The following TIAM2 variants were observed in gnomAD, a reference collection of about 807,000 sequenced individuals.
TIAM2 encodes TIAM Rac1 associated GEF 2, also known as rho guanine nucleotide exchange factor TIAM2.
In TIAM2, 80 loss-of-function variants were observed where a neutral mutation model predicts 152.9. That is an observed-to-expected ratio of 0.52 (90% CI 0.44 to 0.63). The LOEUF (loss-of-function observed/expected upper bound fraction) is 0.63. Ranked by LOEUF, TIAM2 falls within the 30% of genes least tolerant of loss-of-function variation. The pLI is 0.00. For synonymous variants in TIAM2, 804 were observed against 838.0 expected (o/e 0.96, Z 0.70); for missense variants, 1,965 against 2,120.1 (o/e 0.93, Z 1.44).
At chr6:155,005,299 C>A in intron 1 of TIAM2, 1 of 214,458 alleles carries the variant, frequency 4.7e-6, no homozygotes, top group South Asian at 8.9e-5. Context: ...GGCCAGGAAT[C>A]TTGGAGAGAC....
At chr6:155,095,307 G>A (rs1583187102) in intron 2 of TIAM2, among the ~76,000 whole-genome samples, 1 of 152,162 alleles carries the variant, frequency 6.6e-6, no homozygotes, top group African/African-American at 2.4e-5. Flanking sequence ...TGTTTAGTAC[G>A]AACAGAATCT....
intron 1 of TIAM2, among the ~76,000 whole-genome samples, chr6:155,007,453 C>A (rs1010610270): frequency 6.6e-6 from 1 of 150,928 alleles, no homozygotes; most frequent in Admixed American, 6.6e-5. Flanking sequence ...GGCACAATCT[C>A]GGCTCACTGC....
At position 155,223,450 on chromosome 6, in the gene TIAM2, T is replaced by A. The variant is rs183186027; in HGVS notation, c.3168+12143T>A. On this transcript the variant is annotated intron_variant, in intron 15 of 26. Transcript: ENST00000682666. ...CGTTAAATAAATAACAACCCCTAGA[T>A]GGCAAATAAATTATTAGGTTGAGAC... Among the ~76,000 whole-genome samples, 11 of 152,010 alleles carry A rather than the reference T, an allele frequency of 7.2e-5. No individual in the cohort carries two copies. In the East Asian group the frequency reaches 2.1e-3, roughly 29 times the overall value.
chr6:155,195,785 C>A (rs922764003), intron 14 of TIAM2, among the ~76,000 whole-genome samples: 1 of 152,132 alleles, frequency 6.6e-6, no homozygotes, highest in African/African-American at 2.4e-5. Context: ...AGGGATGGGG[C>A]CACGTGGCCG....
intron 4 of TIAM2, among the ~76,000 whole-genome samples, chr6:155,132,401 C>G (rs1297594564): frequency 1.3e-5 from 2 of 151,822 alleles, no homozygotes; most frequent in East Asian, 1.9e-4. Context: ...CCACCACCCC[C>G]TCCTGTGCTG....
intron 7 of TIAM2, among the ~76,000 whole-genome samples, chr6:155,154,335 G>A (rs1780052982): frequency 1.3e-5 from 2 of 152,148 alleles, no homozygotes; most frequent in South Asian, 2.1e-4. Context: ...AAGTACGTGG[G>A]TGGAGAAGAT....
At chr6:155,014,704 A>G (rs1778544941) in intron 1 of TIAM2, among the ~76,000 whole-genome samples, 1 of 152,116 alleles carries the variant, frequency 6.6e-6, no homozygotes, top group African/African-American at 2.4e-5. Flanking sequence ...TCATTTACTT[A>G]TTTAATTTTT....
At chr6:155,095,712 A>G (rs1271152034) in intron 2 of TIAM2, among the ~76,000 whole-genome samples, 2 of 152,212 alleles carry the variant, frequency 1.3e-5, no homozygotes, top group Admixed American at 6.5e-5. Context: ...CTCAAATTCA[A>G]TTATTCTCTG....
At chr6:155,055,572 A>T (rs1346016143) in intron 1 of TIAM2, among the ~76,000 whole-genome samples, 1 of 152,170 alleles carries the variant, frequency 6.6e-6, no homozygotes, top group Non-Finnish European at 1.5e-5. Context: ...CCCTTAATGC[A>T]CATGTTTAAA....
At chr6:155,050,663 G>C (rs1777298169) in intron 1 of TIAM2, among the ~76,000 whole-genome samples, 1 of 152,166 alleles carries the variant, frequency 6.6e-6, no homozygotes. Flanking sequence ...AAGCTTCGTG[G>C]TCAGCCGCAT....
intron 1 of TIAM2, among the ~76,000 whole-genome samples, chr6:155,010,766 T>C (rs1470757989): frequency 6.6e-6 from 1 of 151,688 alleles, no homozygotes. Context: ...AAATTAAATT[T>C]AGGCCAGGCG....
At chr6:155,067,748 C>T (rs1777733556) in intron 1 of TIAM2, among the ~76,000 whole-genome samples, 1 of 152,072 alleles carries the variant, frequency 6.6e-6, no homozygotes, top group African/African-American at 2.4e-5. Context: ...TCAGGTGGTC[C>T]TCCCACCTCT....
In TIAM2 at chr6:155,130,285, T is replaced by C; in HGVS notation, c.1062T>C (p.Ser354=). Residue 354 remains serine (S), a synonymous_variant, in exon 4 of 27, where the codon AGT becomes AGC. Transcript: ENST00000682666. ...CACACGGGGACCCCATCCAGTACAG[T>C]TCCTTCACTCTCCCCTGTCGGAAGC... ...RVAHGDPIQY[S]SFTLPCRKPK... 1 of 1,614,128 alleles carries C rather than the reference T, an allele frequency of 6.2e-7. No individual in the cohort carries two copies. Among genetic ancestry groups the C allele is most frequent in the Admixed American group, 1.7e-5 (1 of 60,020 alleles).
At chr6:155,049,301 C>T (rs370224156) in intron 1 of TIAM2, among the ~76,000 whole-genome samples, 11 of 151,958 alleles carry the variant, frequency 7.2e-5, no homozygotes, top group Admixed American at 5.9e-4. Context: ...TGAGAGGGTT[C>T]GACGGTTAAT....
At chr6:155,056,497 G>A (rs1286460104) in intron 1 of TIAM2, among the ~76,000 whole-genome samples, 1 of 115,870 alleles carries the variant, frequency 8.6e-6, no homozygotes, top group African/African-American at 2.9e-5. Context: ...TTGAGTCCTG[G>A]GAATTCAGAA....
intron 15 of TIAM2, among the ~76,000 whole-genome samples, chr6:155,212,776 G>A (rs1387792399): frequency 1.3e-5 from 2 of 152,206 alleles, no homozygotes; most frequent in Admixed American, 6.5e-5. Context: ...GCAGAGTGGT[G>A]AGGGGTGTGT....
intron 1 of TIAM2, among the ~76,000 whole-genome samples, chr6:154,999,319 TCCTGCC>T (rs1162736906): frequency 1.3e-5 from 2 of 152,068 alleles, no homozygotes; most frequent in East Asian, 3.9e-4. Context: ...CAAGCGATTC[TCCTGCC>T]TCAGCCTCCC....
Position 155,257,478 on chromosome 6 carries a change from C to A in TIAM2, c.*357C>A. 2 of 327,880 alleles carry A rather than the reference C, an allele frequency of 6.1e-6. No individual in the cohort carries two copies. Among genetic ancestry groups the A allele is most frequent in the South Asian group, 3.8e-5 (1 of 26,536 alleles). The allele number at this position is 327,880 out of a possible 1,614,324, so 20.3% of individuals were successfully genotyped here. ...GGGCCATTTTTTAAAATCCTCTGGG[C>A]ATTTTCTTTCAGCTGTTTGTTAGTT... On this transcript the variant is annotated 3_prime_UTR_variant, in exon 27 of 27. Transcript: ENST00000682666.
intron 2 of TIAM2, among the ~76,000 whole-genome samples, chr6:155,118,354 T>G (rs1210111910): frequency 6.6e-6 from 1 of 152,190 alleles, no homozygotes; most frequent in Non-Finnish European, 1.5e-5. Context: ...CACCGTGTCT[T>G]TGAACAAGCC....
Sources: allele counts gnomAD v4.1 joint callset (sites outside exome capture counted in the v4.1 genomes callset), GRCh38; gene constraint gnomAD v4.1.1; transcripts MANE v1.5; gene names NCBI Gene and HGNC (gene_info 2026-07-23, HGNC 2026-07-21).